Variants in MAGI2 observed in about 807,000 individuals in gnomAD.
MAGI2 encodes the protein membrane associated guanylate kinase, WW and PDZ domain containing 2.
MAGI2 carries 35 observed loss-of-function variants against 133.3 expected under a neutral mutation model. The observed-to-expected ratio is 0.26, with a 90% confidence interval of 0.20 to 0.35. MAGI2 has a LOEUF of 0.35. MAGI2 is among the 10% of genes least tolerant of loss of function. MAGI2 has a pLI of 1.00. For missense variants in MAGI2, 1,636 were observed against 1,863.4 expected (o/e 0.88, Z 2.25); for synonymous variants, 729 against 710.6 (o/e 1.03, Z -0.41).
rs541760262 is a variant in MAGI2, at chr7:79,324,399, T to TAC, written c.301+128620_301+128621insGT. Among the ~76,000 whole-genome samples, 634 of 145,774 alleles carry TAC rather than the reference T, an allele frequency of 4.3e-3. 5 individuals carry two copies. Among genetic ancestry groups the TAC allele is most frequent in the African/African-American group, 0.015 (604 of 39,772 alleles). ...TATATACAGTGTGTATGTATATATA[T>TAC]ATACACACAACGTATCTATCTATAA... is the stretch of plus-strand genomic sequence containing the variant. On this transcript the variant is annotated intron_variant, in intron 1 of 21. Coordinates refer to ENST00000354212, the MANE Select transcript of MAGI2 (RefSeq NM_012301.4).
At chr7:78,870,555 T>A (rs1794951024) in intron 2 of MAGI2, among the ~76,000 whole-genome samples, 1 of 152,016 alleles carries the variant, frequency 6.6e-6, no homozygotes, top group Admixed American at 6.6e-5. Context: ...ATAATAAATA[T>A]TGGCGTGGAT....
chr7:79,114,741 A>T (rs1411206347), intron 1 of MAGI2, among the ~76,000 whole-genome samples: 1 of 152,264 alleles, frequency 6.6e-6, no homozygotes, highest in Middle Eastern at 3.4e-3. Flanking sequence ...ATTGCAAGTG[A>T]CCACAGAAAA....
At chr7:79,369,963 A>G (rs1842955661) in intron 1 of MAGI2, among the ~76,000 whole-genome samples, 1 of 152,158 alleles carries the variant, frequency 6.6e-6, no homozygotes, top group African/African-American at 2.4e-5. Flanking sequence ...GTATTTTTAT[A>G]TTATATATTA....
chr7:78,573,277 T>TAC (rs1171577927), intron 3 of MAGI2, among the ~76,000 whole-genome samples: 3 of 57,282 alleles, frequency 5.2e-5, no homozygotes, highest in Non-Finnish European at 8.3e-5. Context: ...TATATAAATA[T>TAC]ATATATTTAT....
intron 2 of MAGI2, among the ~76,000 whole-genome samples, chr7:78,738,757 T>C (rs1306476807): frequency 6.6e-6 from 1 of 152,212 alleles, no homozygotes; most frequent in Admixed American, 6.5e-5. Flanking sequence ...ATGTCTCATA[T>C]GGCTTACAAA....
At chr7:78,816,583 A>T (rs1478502240) in intron 2 of MAGI2, among the ~76,000 whole-genome samples, 5 of 152,300 alleles carry the variant, frequency 3.3e-5, no homozygotes, top group Non-Finnish European at 2.9e-5. Flanking sequence ...TTCACTTACC[A>T]TTCTGAAAAT....
intron 4 of MAGI2, among the ~76,000 whole-genome samples, chr7:78,507,248 T>A (rs34047739): frequency 6.6e-6 from 1 of 152,052 alleles, no homozygotes; most frequent in South Asian, 2.1e-4. Flanking sequence ...AACATTCCCA[T>A]ATTTATTACT....
intron 1 of MAGI2, among the ~76,000 whole-genome samples, chr7:79,032,639 T>C (rs938676130): frequency 6.6e-6 from 1 of 152,020 alleles, no homozygotes; most frequent in African/African-American, 2.4e-5. Context: ...TTTAAAAATA[T>C]GTAAAAATCT....
At chr7:78,740,601 A>G (rs1822316957) in intron 2 of MAGI2, among the ~76,000 whole-genome samples, 1 of 152,236 alleles carries the variant, frequency 6.6e-6, no homozygotes, top group Non-Finnish European at 1.5e-5. Flanking sequence ...CCTAGAAAAA[A>G]GCACAAGCAG....
chr7:79,115,968 T>A (rs1198474178), intron 1 of MAGI2, among the ~76,000 whole-genome samples: 2 of 147,730 alleles, frequency 1.4e-5, no homozygotes, highest in Non-Finnish European at 3.0e-5. Context: ...TCTTTCAGAC[T>A]CTCCTATCCC....
intron 21 of MAGI2, among the ~76,000 whole-genome samples, chr7:78,038,824 A>C (rs1333449588): frequency 6.6e-6 from 1 of 152,236 alleles, no homozygotes; most frequent in Non-Finnish European, 1.5e-5. Flanking sequence ...TTTTGTTTTC[A>C]AACCCTCACA....
At chr7:78,319,521 A>T (rs1787776965) in intron 9 of MAGI2, among the ~76,000 whole-genome samples, 1 of 152,248 alleles carries the variant, frequency 6.6e-6, no homozygotes, top group South Asian at 2.1e-4. Context: ...CTGCTCCTGA[A>T]TGACTGCTGG....
intron 2 of MAGI2, among the ~76,000 whole-genome samples, chr7:78,910,392 G>T (rs1798320571): frequency 6.6e-6 from 1 of 151,138 alleles, no homozygotes; most frequent in Non-Finnish European, 1.5e-5. Context: ...AAAACCTTAG[G>T]TAGTAATATA....
At chr7:79,382,582 T>A (rs1269552829) in intron 1 of MAGI2, among the ~76,000 whole-genome samples, 1 of 151,618 alleles carries the variant, frequency 6.6e-6, no homozygotes, top group Non-Finnish European at 1.5e-5. Flanking sequence ...GCTTCCCATT[T>A]GCATAAGGGG....
intron 21 of MAGI2, among the ~76,000 whole-genome samples, chr7:78,067,275 G>A (rs575634079): frequency 3.9e-5 from 6 of 152,318 alleles, no homozygotes; most frequent in African/African-American, 1.4e-4. Context: ...CCTTTACTGG[G>A]CTTGGAAGAT....
At chr7:79,082,954 T>C (rs1202603327) in intron 1 of MAGI2, among the ~76,000 whole-genome samples, 3 of 152,004 alleles carry the variant, frequency 2.0e-5, no homozygotes, top group Admixed American at 6.6e-5. Context: ...CTATTATAAA[T>C]AAAATTGTTT....
chr7:78,343,583 T>C (rs1790609665), intron 9 of MAGI2, among the ~76,000 whole-genome samples, 195 bp downstream of exon 9: 1 of 152,130 alleles, frequency 6.6e-6, no homozygotes, highest in African/African-American at 2.4e-5. Flanking sequence ...AAGGCAAAAA[T>C]TATATTCAAA....
intron 2 of MAGI2, among the ~76,000 whole-genome samples, chr7:78,947,944 A>C (rs1015859933): frequency 3.3e-5 from 5 of 152,080 alleles, no homozygotes; most frequent in African/African-American, 1.2e-4. Flanking sequence ...CTTTCCTTAG[A>C]TCTTTTCTGA....
intron 1 of MAGI2, among the ~76,000 whole-genome samples, chr7:79,420,672 A>G (rs10215142): frequency 0.015 from 2,259 of 152,062 alleles, 50 homozygotes; most frequent in African/African-American, 0.053. Flanking sequence ...AACGGAGCTG[A>G]CACTTTATTT....
Sources: gnomAD v4.1 joint callset for allele counts (sites outside exome capture counted in the v4.1 genomes callset) on GRCh38, gnomAD v4.1.1 for gene constraint, MANE v1.5 for transcripts, NCBI Gene and HGNC (gene_info 2026-07-23, HGNC 2026-07-21) for gene names.